Variants in APBA2 observed in about 807,000 individuals in gnomAD.
APBA2 encodes the protein amyloid beta precursor protein binding family A member 2, also known as amyloid-beta A4 precursor protein-binding family A member 2.
Under a neutral mutation model 75.0 loss-of-function variants are expected in APBA2, and 30 were observed. That is an observed-to-expected ratio of 0.40 (90% confidence interval 0.30 to 0.54). The LOEUF (loss-of-function observed/expected upper bound fraction) is 0.54, where lower values mean the gene tolerates loss of function less well. APBA2 is among the 20% of genes least tolerant of loss of function. APBA2 has a pLI of 0.49. For missense variants in APBA2, 801 were observed against 1,016.1 expected, an observed-to-expected ratio of 0.79 and a Z score of 2.88; for synonymous variants, 444 against 409.6, an observed-to-expected ratio of 1.08 and a Z score of -1.01.
At chr15:29,027,975 ACT>A (rs1487812159) in intron 3 of APBA2, among the ~76,000 whole-genome samples, 9 of 136,686 alleles carry the variant, frequency 6.6e-5, no homozygotes, top group Admixed American at 5.9e-4. Flanking sequence ...ATACATTAAC[ACT>A]CTTTTCGTTT....
At chr15:29,043,681 A>G (rs1462040642) in intron 3 of APBA2, among the ~76,000 whole-genome samples, 1 of 152,216 alleles carries the variant, frequency 6.6e-6, no homozygotes, top group Non-Finnish European at 1.5e-5. Flanking sequence ...GTCTTGTGGA[A>G]GTGCTAACAC....
chr15:28,898,970 T>C (rs2032678451), intron 1 of APBA2, among the ~76,000 whole-genome samples: 1 of 152,244 alleles, frequency 6.6e-6, no homozygotes, highest in Non-Finnish European at 1.5e-5. Context: ...CTGCAGGAAA[T>C]GTATTTTTAT....
At position 29,046,039 on chromosome 15, in the gene APBA2, T is replaced by C. The variant is rs910510018; in HGVS notation, c.-40-7806T>C. On this transcript the variant is annotated intron_variant, in intron 3 of 14. Transcript: ENST00000683413. The surrounding 1 kb of genome is among the most constrained non-coding windows in gnomAD (Gnocchi z 5.0). ...TCTTTGACCAGACGTTTTGAGAGTC[T>C]GGCAGCCCGGAAAGGTGGGATTTGG... 2.0e-5 allele frequency among the ~76,000 whole-genome samples: 3 copies of C among 152,184 alleles called. No homozygotes were observed. Among genetic ancestry groups the C allele is most frequent in the Non-Finnish European group, 4.4e-5 (3 of 68,026 alleles).
Position 29,069,933 on chromosome 15 carries a change from A to G in APBA2, c.952-4988A>G, listed in dbSNP as rs377735786. Among the ~76,000 whole-genome samples the G allele has an allele frequency of 9.8e-5, 15 of 152,358 alleles. No homozygotes were observed. The East Asian group carries it at 2.7e-3, about 27-fold the overall frequency. ...CCTTTACAGGGCTCTGTGAAGAGAC[A>G]GTGAACAATGAAGTGGAGGACGTGT... is the stretch of plus-strand genomic sequence containing the variant. On this transcript the variant is annotated intron_variant, in intron 4 of 14. Coordinates refer to ENST00000683413, the MANE Select transcript of APBA2 (RefSeq NM_001353788.2).
intron 2 of APBA2, among the ~76,000 whole-genome samples, chr15:28,950,961 T>C (rs1039699280): frequency 2.6e-5 from 4 of 152,358 alleles, no homozygotes; most frequent in African/African-American, 7.2e-5. Context: ...TGGCATCCCA[T>C]GTCCCTTAGA....
chr15:29,029,441 A>G (rs1298287983), intron 3 of APBA2, among the ~76,000 whole-genome samples: 2 of 152,218 alleles, frequency 1.3e-5, no homozygotes, highest in Non-Finnish European at 2.9e-5. Context: ...CTAAAAATAC[A>G]TCATTTACAT....
chr15:28,989,153 T>G (rs1472661187), intron 2 of APBA2, among the ~76,000 whole-genome samples: 1 of 152,248 alleles, frequency 6.6e-6, no homozygotes, highest in Non-Finnish European at 1.5e-5. Context: ...GTTTTCTTAT[T>G]GATCAATCTG....
At chr15:29,039,054 A>C (rs1363882623) in intron 3 of APBA2, among the ~76,000 whole-genome samples, 3 of 149,898 alleles carry the variant, frequency 2.0e-5, no homozygotes, top group Non-Finnish European at 3.0e-5. Flanking sequence ...TGCTGCCTTG[A>C]AAGTGTCCTT....
At chr15:28,921,438 G>C (rs1393891327) in intron 1 of APBA2, among the ~76,000 whole-genome samples, 1 of 152,176 alleles carries the variant, frequency 6.6e-6, no homozygotes, top group African/African-American at 2.4e-5. Flanking sequence ...AACTTGTGAC[G>C]CTTGGTTTTT....
At chr15:28,968,942 A>G (rs2036885672) in intron 2 of APBA2, among the ~76,000 whole-genome samples, 1 of 151,090 alleles carries the variant, frequency 6.6e-6, no homozygotes. Context: ...TAAATAGGCT[A>G]CTCTTTTTTT....
At chr15:29,013,735 T>G (rs1346638713) in intron 3 of APBA2, among the ~76,000 whole-genome samples, 1 of 152,136 alleles carries the variant, frequency 6.6e-6, no homozygotes, top group East Asian at 1.9e-4. Context: ...AAAGGAGCAA[T>G]TGGAGTGAAC....
chr15:29,027,893 G>A (rs940409201), intron 3 of APBA2, among the ~76,000 whole-genome samples: 6 of 151,864 alleles, frequency 4.0e-5, no homozygotes, highest in African/African-American at 1.2e-4. Flanking sequence ...GTGAGCCACC[G>A]TGCCCGGCCT....
intron 1 of APBA2, among the ~76,000 whole-genome samples, chr15:28,893,281 G>A (rs151010798): frequency 0.016 from 2,388 of 152,342 alleles, 79 homozygotes; most frequent in African/African-American, 0.054. Flanking sequence ...TTCTGCTACA[G>A]TAAAGCACTC....
At chr15:28,922,174 G>A (rs144980677) in intron 2 of APBA2, among the ~76,000 whole-genome samples, 50 of 152,262 alleles carry the variant, frequency 3.3e-4, no homozygotes, top group African/African-American at 1.1e-3. Context: ...GGGGCATCCC[G>A]GTGGTCAGTT....
At chr15:29,082,075 C>T (rs899066450) in intron 6 of APBA2, among the ~76,000 whole-genome samples, 3 of 152,162 alleles carry the variant, frequency 2.0e-5, no homozygotes, top group Admixed American at 6.5e-5. Context: ...AGCTCCAGGC[C>T]GATGGGTGCA....
In APBA2 at chr15:29,054,187, C is replaced by T. The variant is rs142673699; in HGVS notation, c.303C>T (p.Ile101=). 2.7e-4 allele frequency: 437 copies of T among 1,614,204 alleles called. 1 individual carries two copies. The African/African-American group carries it at 5.0e-3, about 19-fold the overall frequency. ...PEEEEGITYY[I]RYCPEDDSYL... Reference sequence around the variant, plus strand: ...AGGAGGAGGGCATCACCTACTACATCCGCTACTGCCCTGAGGACGACAGCT... The same window carrying T: ...AGGAGGAGGGCATCACCTACTACATTCGCTACTGCCCTGAGGACGACAGCT... The change falls in exon 4 of 15, where the codon ATC becomes ATT. Residue 101 remains isoleucine, a synonymous_variant. Transcript: ENST00000683413. The surrounding 1 kb of genome is among the most constrained non-coding windows in gnomAD (Gnocchi z 6.1).
chr15:28,998,448 T>A (rs1182267747), intron 3 of APBA2, among the ~76,000 whole-genome samples: 1 of 152,090 alleles, frequency 6.6e-6, no homozygotes, highest in East Asian at 1.9e-4. Context: ...TACCCCCGTA[T>A]GGATGCATAT....
At chr15:28,888,899 C>T (rs1315465616) in intron 1 of APBA2, among the ~76,000 whole-genome samples, 1 of 152,162 alleles carries the variant, frequency 6.6e-6, no homozygotes, top group African/African-American at 2.4e-5. Context: ...CAGGCCTCCC[C>T]GATGTAGGTC....
At chr15:29,088,290 C>T (rs556340972) in intron 6 of APBA2, among the ~76,000 whole-genome samples, 1 of 152,314 alleles carries the variant, frequency 6.6e-6, no homozygotes, top group Non-Finnish European at 1.5e-5. Context: ...TCCTTGCAGA[C>T]TCATCCATGC....
Sources: gnomAD v4.1 joint callset for allele counts (sites outside exome capture counted in the v4.1 genomes callset) on GRCh38, gnomAD v4.1.1 for gene constraint, Gnocchi (gnomAD v3.1) non-coding constraint, MANE v1.5 for transcripts, NCBI Gene and HGNC (gene_info 2026-07-23, HGNC 2026-07-21) for gene names.